CNTNAP2: variants seen among roughly 807,000 people sequenced by gnomAD.
The protein encoded by CNTNAP2 is contactin associated protein 2.
Under a neutral mutation model 155.2 loss-of-function variants are expected in CNTNAP2, and 98 were observed. That is an observed-to-expected ratio of 0.63 (90% CI 0.54 to 0.75). The LOEUF (loss-of-function observed/expected upper bound fraction) is 0.75, where lower values mean the gene tolerates loss of function less well. CNTNAP2 is among the 30% of genes least tolerant of loss of function. CNTNAP2 has a pLI of 0.00. For missense variants in CNTNAP2, 1,727 were observed against 1,688.1 expected, an observed-to-expected ratio of 1.02 and a Z score of -0.40; for synonymous variants, 651 against 631.2, an observed-to-expected ratio of 1.03 and a Z score of -0.47.
chr7:147,954,498 G>T (rs373579667), intron 14 of CNTNAP2, among the ~76,000 whole-genome samples: 13 of 152,098 alleles, frequency 8.5e-5, no homozygotes, highest in East Asian at 1.9e-4. Flanking sequence ...GAAAGATGAT[G>T]ACATAAAGCA....
At chr7:147,309,471 C>T (rs1237521226) in intron 9 of CNTNAP2, among the ~76,000 whole-genome samples, 1 of 151,980 alleles carries the variant, frequency 6.6e-6, no homozygotes, top group African/African-American at 2.4e-5. Context: ...TGCTTCCAAA[C>T]CTTTTAGTTA....
intron 1 of CNTNAP2, among the ~76,000 whole-genome samples, chr7:146,512,742 A>T (rs700286): frequency 6.6e-6 from 1 of 151,862 alleles, no homozygotes; most frequent in African/African-American, 2.4e-5. Flanking sequence ...CCATGTACTG[A>T]TGGGAAGAAT....
At chr7:147,677,297 T>C (rs1795884834) in intron 13 of CNTNAP2, among the ~76,000 whole-genome samples, 1 of 151,942 alleles carries the variant, frequency 6.6e-6, no homozygotes, top group Non-Finnish European at 1.5e-5. Context: ...TTGACCATTT[T>C]GTATATCTTG....
intron 11 of CNTNAP2, among the ~76,000 whole-genome samples, chr7:147,488,982 G>A (rs376935308): frequency 1.7e-4 from 26 of 152,294 alleles, no homozygotes; most frequent in African/African-American, 5.8e-4. Flanking sequence ...CACTTTCAGA[G>A]CAATTGTCCT....
intron 8 of CNTNAP2, among the ~76,000 whole-genome samples, chr7:147,161,437 A>T (rs1381538222): frequency 6.6e-6 from 1 of 152,148 alleles, no homozygotes; most frequent in African/African-American, 2.4e-5. Context: ...GTATCTGTTT[A>T]TAACTATATA....
chr7:146,813,565 T>G (rs1803108819), intron 2 of CNTNAP2, among the ~76,000 whole-genome samples: 2 of 152,206 alleles, frequency 1.3e-5, no homozygotes. Flanking sequence ...TAACTTGTTT[T>G]TGATTTTACA....
intron 14 of CNTNAP2, chr7:147,940,284 T>C (rs1585039707): frequency 8.9e-6 from 1 of 111,882 alleles, no homozygotes; most frequent in African/African-American, 3.4e-5. Context: ...CTGGATACCA[T>C]AGCAAGACCC....
At chr7:148,030,789 G>T (rs1802463063) in intron 15 of CNTNAP2, among the ~76,000 whole-genome samples, 1 of 151,814 alleles carries the variant, frequency 6.6e-6, no homozygotes, top group South Asian at 2.1e-4. Flanking sequence ...GTGAGTTAGG[G>T]CTACAAAATG....
intron 4 of CNTNAP2, among the ~76,000 whole-genome samples, chr7:147,106,847 C>A (rs1800776020): frequency 6.6e-6 from 1 of 152,124 alleles, no homozygotes; most frequent in Non-Finnish European, 1.5e-5. Flanking sequence ...TGGTGGTATG[C>A]TCCACTTACA....
chr7:147,189,235 A>AT (rs1374799987), intron 8 of CNTNAP2, among the ~76,000 whole-genome samples: 1 of 152,216 alleles, frequency 6.6e-6, no homozygotes, highest in African/African-American at 2.4e-5. Context: ...TATACATAGT[A>AT]TTTTATTTTG....
chr7:147,422,264 T>C (rs1159348271), intron 10 of CNTNAP2, among the ~76,000 whole-genome samples: 1 of 150,070 alleles, frequency 6.7e-6, no homozygotes, highest in Non-Finnish European at 1.5e-5. Flanking sequence ...ACACAATATA[T>C]ACTGTATATA....
chr7:147,504,950 A>C (rs1360797475), intron 11 of CNTNAP2, among the ~76,000 whole-genome samples: 1 of 151,972 alleles, frequency 6.6e-6, no homozygotes, highest in Non-Finnish European at 1.5e-5. Flanking sequence ...GCACACACAC[A>C]CGCATGCACA....
chr7:148,230,591 C>T (rs761001076), intron 20 of CNTNAP2, among the ~76,000 whole-genome samples: 1 of 152,168 alleles, frequency 6.6e-6, no homozygotes, highest in Non-Finnish European at 1.5e-5. Flanking sequence ...AGACCTCATT[C>T]TGATTCGGCT....
chr7:147,442,800 C>G lies in CNTNAP2; in HGVS notation c.1671-43135C>G, dbSNP rs557872549. 2.6e-5 allele frequency among the ~76,000 whole-genome samples: 4 copies of G among 152,234 alleles called. 1 individual carries two copies. Among genetic ancestry groups the G allele is most frequent in the African/African-American group, 9.6e-5 (4 of 41,548 alleles). On this transcript the variant is annotated intron_variant, in intron 10 of 23. Transcript: ENST00000361727. ...CCCAGGGTATGTCTAGAAATGTTAT[C>G]TTGCAGGTAGGGCCTGGAAAGGGGG... is the stretch of plus-strand genomic sequence containing the variant.
At chr7:146,186,595 A>G (rs1417233555) in intron 1 of CNTNAP2, among the ~76,000 whole-genome samples, 1 of 152,152 alleles carries the variant, frequency 6.6e-6, no homozygotes, top group African/African-American at 2.4e-5. Flanking sequence ...TCCTTGGTGT[A>G]TTATGTATTT....
At chr7:148,251,196 C>G (rs1356507198) in intron 20 of CNTNAP2, among the ~76,000 whole-genome samples, 1 of 152,222 alleles carries the variant, frequency 6.6e-6, no homozygotes, top group Non-Finnish European at 1.5e-5. Flanking sequence ...TTACAAGCAG[C>G]TGGCTACAAA....
At chr7:147,346,257 C>T (rs1584888494) in intron 9 of CNTNAP2, among the ~76,000 whole-genome samples, 1 of 150,890 alleles carries the variant, frequency 6.6e-6, no homozygotes, top group East Asian at 2.0e-4. Flanking sequence ...CGGGTTCACG[C>T]CATTCTCCTG....
chr7:147,049,371 C>A (rs1055434027), intron 4 of CNTNAP2, among the ~76,000 whole-genome samples: 1 of 152,108 alleles, frequency 6.6e-6, no homozygotes, highest in Non-Finnish European at 1.5e-5. Context: ...GAAACACTTT[C>A]CAAAAGTTAC....
chr7:146,963,674 T>TA (rs201816101), intron 3 of CNTNAP2, among the ~76,000 whole-genome samples: 1,817 of 151,050 alleles, frequency 0.012, 23 homozygotes, highest in African/African-American at 0.031. Flanking sequence ...GCATAATAAG[T>TA]AAAAAAAAAC....
Sources: allele counts gnomAD v4.1 joint callset (sites outside exome capture counted in the v4.1 genomes callset), GRCh38; gene constraint gnomAD v4.1.1; transcripts MANE v1.5; gene names NCBI Gene and HGNC (gene_info 2026-07-23, HGNC 2026-07-21).